SP100: variants seen among roughly 807,000 people sequenced by gnomAD.
SP100 encodes the protein nuclear autoantigen Sp-100.
In SP100, 84 loss-of-function variants were observed where a neutral mutation model predicts 130.0. The observed-to-expected ratio is 0.65, with a 90% CI of 0.54 to 0.77. The LOEUF (loss-of-function observed/expected upper bound fraction) is 0.77. Among genes scored for constraint, SP100 ranks in the 30% least tolerant of loss-of-function variants. The probability of loss-of-function intolerance (pLI) is 0.00; values close to 1 mark genes in which losing one functional copy is unlikely to be tolerated. For missense variants in SP100, 978 were observed against 1,052.2 expected, an observed-to-expected ratio of 0.93 and a Z score of 0.97; for synonymous variants, 331 against 351.7, an observed-to-expected ratio of 0.94 and a Z score of 0.66.
At chr2:230,482,183 TC>T (rs2065865506) in intron 17 of SP100, among the ~76,000 whole-genome samples, 1 of 152,246 alleles carries the variant, frequency 6.6e-6, no homozygotes, top group South Asian at 2.1e-4. Context: ...ATTTTTTTAA[TC>T]TTGTTTAAGA....
chr2:230,416,714 A>C (rs761797461), intron 1 of SP100: 24 of 1,003,704 alleles, frequency 2.4e-5, no homozygotes, highest in Non-Finnish European at 2.9e-5. Context: ...GCTTTAGAAA[A>C]TAAACACTCC....
intron 25 of SP100, 105 bp downstream of exon 25, chr2:230,539,487 C>A: frequency 2.7e-6 from 2 of 735,316 alleles, no homozygotes; most frequent in East Asian, 2.6e-5. Flanking sequence ...TTATGTGTTT[C>A]TTGATGCATA....
intron 17 of SP100, among the ~76,000 whole-genome samples, chr2:230,482,007 G>T (rs62193428): frequency 1.4e-3 from 210 of 152,114 alleles, no homozygotes; most frequent in Admixed American, 2.8e-3. Flanking sequence ...TGCACATTGT[G>T]CAGGTTAGTT....
At chr2:230,462,288 A>C in intron 9 of SP100, 147 bp from the exon 10 acceptor site, 1 of 582,046 alleles carries the variant, frequency 1.7e-6, no homozygotes, top group Non-Finnish European at 3.1e-6. Flanking sequence ...AACAAACTGC[A>C]GGTGGCATGC....
At chr2:230,517,665 T>A (rs1445153494) in intron 24 of SP100, among the ~76,000 whole-genome samples, 1 of 151,548 alleles carries the variant, frequency 6.6e-6, no homozygotes, top group Non-Finnish European at 1.5e-5. Context: ...CTCAGGAGGC[T>A]GAGGCAGAAG....
chr2:230,540,771 A>G, intron 25 of SP100, 105 bp from the exon 26 acceptor site: 1 of 1,413,956 alleles, frequency 7.1e-7, no homozygotes, highest in South Asian at 1.5e-5. Flanking sequence ...GTTGGATACA[A>G]GGTGGAAACC....
At chr2:230,520,752 A>C (rs1455260548) in intron 24 of SP100, 2 of 152,202 alleles carry the variant, frequency 1.3e-5, no homozygotes, top group African/African-American at 4.8e-5. Context: ...ACACCAACAA[A>C]GTTGAGAGTG....
intron 8 of SP100, among the ~76,000 whole-genome samples, chr2:230,459,304 G>A (rs2064456156): frequency 6.6e-6 from 1 of 152,112 alleles, no homozygotes; most frequent in Admixed American, 6.5e-5. Flanking sequence ...CTGATCTGAG[G>A]AGATAAGAGC....
At chr2:230,508,952 C>CACACACAT (rs1553643615) in intron 23 of SP100, 43 of 126,982 alleles carry the variant, frequency 3.4e-4, no homozygotes, top group African/African-American at 1.3e-3. Flanking sequence ...CACACATACA[C>CACACACAT]ACACACACAC....
intron 2 of SP100, among the ~76,000 whole-genome samples, chr2:230,431,853 T>C (rs2063109382): frequency 6.6e-6 from 1 of 152,228 alleles, no homozygotes; most frequent in Non-Finnish European, 1.5e-5. Flanking sequence ...GAGTCTATTC[T>C]GCACACCCAC....
At chr2:230,461,196 T>C in intron 8 of SP100, 66 bp from the exon 9 acceptor site, 1 of 1,474,984 alleles carries the variant, frequency 6.8e-7, no homozygotes, top group East Asian at 2.3e-5. Context: ...AGAGGGGGAG[T>C]TATTAATGAT....
chr2:230,444,320 T>C lies in SP100; in HGVS notation c.413T>C (p.Ile138Thr), dbSNP rs1384833706. 1.2e-6 allele frequency: 2 copies of C among 1,609,786 alleles called. No individual in the cohort carries two copies. Among genetic ancestry groups the C allele is most frequent in the African/African-American group, 1.3e-5 (1 of 74,746 alleles). ...AACATGCAGGAATACCCCGATTTAATTCACATTTATAAAGGCTTTGAAAAT... is the reference window on the plus strand; with the variant it reads ...AACATGCAGGAATACCCCGATTTAACTCACATTTATAAAGGCTTTGAAAAT... ...DVNMQEYPDL[I>T]HIYKGFENVI... The change falls in exon 4 of 29, where the codon ATT (isoleucine) becomes ACT (threonine). Residue 138 changes from isoleucine to threonine, a missense_variant. Ile to Thr is a moderately conservative substitution (Grantham distance 89, BLOSUM62 -1). Coordinates refer to ENST00000340126, the MANE Select transcript of SP100 (RefSeq NM_001080391.2).
chr2:230,456,134 C>G (rs763311649), intron 8 of SP100, among the ~76,000 whole-genome samples: 1 of 152,090 alleles, frequency 6.6e-6, no homozygotes, highest in Non-Finnish European at 1.5e-5. Context: ...CCGGGACGGT[C>G]TTTATCTCTC....
At position 230,539,852 on chromosome 2, in the gene SP100, T is replaced by TA. The variant is rs756388574; in HGVS notation, c.2210+476dup. On this transcript the variant is annotated intron_variant, in intron 25 of 28. Transcript: ENST00000340126. Reference sequence around the variant, plus strand: ...TGAGTCCCCTGCTCACTTCCTTTGCTAAAAAATGTGCCTTTGGACAGAGGT... The same window carrying TA: ...TGAGTCCCCTGCTCACTTCCTTTGCTAAAAAAATGTGCCTTTGGACAGAGGT... Among the ~76,000 whole-genome samples, 7 of 152,268 alleles carry TA rather than the reference T, an allele frequency of 4.6e-5. No homozygotes were observed. In the East Asian group the frequency reaches 1.4e-3, roughly 29 times the overall value.
intron 2 of SP100, among the ~76,000 whole-genome samples, chr2:230,427,446 C>A (rs887029389): frequency 3.3e-5 from 5 of 152,086 alleles, no homozygotes; most frequent in Non-Finnish European, 5.9e-5. Flanking sequence ...CAGGTGTGAG[C>A]CACTGCGCCC....
intron 17 of SP100, 150 bp from the exon 18 acceptor site, chr2:230,494,266 C>T (rs1382204898): frequency 3.0e-6 from 2 of 665,892 alleles, no homozygotes; most frequent in Non-Finnish European, 5.3e-6. Flanking sequence ...TGCGTGACAA[C>T]AACCAAGATG....
intron 17 of SP100, among the ~76,000 whole-genome samples, chr2:230,484,827 G>T (rs1460246202): frequency 6.6e-6 from 1 of 152,004 alleles, no homozygotes; most frequent in Non-Finnish European, 1.5e-5. Flanking sequence ...CATACAATCT[G>T]CTTTACTTTT....
At chr2:230,452,772 C>T (rs964580521) in intron 8 of SP100, among the ~76,000 whole-genome samples, 4 of 144,072 alleles carry the variant, frequency 2.8e-5, no homozygotes, top group Admixed American at 6.9e-5. Context: ...TTGTATGTTG[C>T]GTTTGTATCC....
intron 2 of SP100, chr2:230,440,456 T>G (rs2063434146): frequency 1.1e-6 from 1 of 927,930 alleles, no homozygotes. Context: ...TTAATTAAAT[T>G]AAATTTTTTA....
Sources: gnomAD v4.1 joint callset for allele counts (sites outside exome capture counted in the v4.1 genomes callset) on GRCh38, gnomAD v4.1.1 for gene constraint, MANE v1.5 for transcripts, NCBI Gene and HGNC (gene_info 2026-07-23, HGNC 2026-07-21) for gene names.